The following LCLAT1 variants were observed in gnomAD, a reference collection of about 807,000 sequenced individuals.
LCLAT1 encodes the protein 1-AGP acyltransferase 8.
Under a neutral mutation model 30.7 loss-of-function variants are expected in LCLAT1, and 11 were observed. That is an observed-to-expected ratio of 0.36 (90% CI 0.23 to 0.59). The LOEUF (loss-of-function observed/expected upper bound fraction) is 0.59. Among genes scored for constraint, LCLAT1 ranks in the 20% least tolerant of loss-of-function variants. The pLI is 0.77. For synonymous variants in LCLAT1, 155 were observed against 151.3 expected (o/e 1.02, Z -0.18); for missense variants, 402 against 458.6 (o/e 0.88, Z 1.13).
At position 30,553,821 on chromosome 2, in the gene LCLAT1, C is replaced by CA. The variant is rs1177401024; in HGVS notation, c.365-8313dup. Among the ~76,000 whole-genome samples, 143 of 129,208 alleles carry CA rather than the reference C, an allele frequency of 1.1e-3. 1 individual carries two copies. The highest frequency in any genetic ancestry group is 8.6e-3 in the South Asian group (36 of 4,174). 84.8% of individuals were successfully genotyped at this position (129,208 alleles called of 152,430 possible). The stretch of plus-strand genomic sequence containing the variant: ...TGGGCGACAGAGCGAGACTCCGTCT[C>CA]AAAAAAAAAAAAGACAAATTATATA... On this transcript the variant is annotated intron_variant, in intron 3 of 5. Coordinates refer to ENST00000379509, the MANE Select transcript of LCLAT1 (RefSeq NM_001002257.3).
chr2:30,525,986 G>GA (rs936127953), intron 2 of LCLAT1, among the ~76,000 whole-genome samples: 6 of 151,946 alleles, frequency 3.9e-5, no homozygotes, highest in Admixed American at 3.3e-4. Context: ...GAATGACAGG[G>GA]AAAAAAAATC....
chr2:30,556,941 T>C (rs1664948503), intron 3 of LCLAT1, among the ~76,000 whole-genome samples: 1 of 151,826 alleles, frequency 6.6e-6, no homozygotes, highest in Admixed American at 6.6e-5. Flanking sequence ...ATGGGGTTTC[T>C]CCATATTGTT....
chr2:30,538,649 A>AAATAAAAAAATTAGAACTGT (rs1237606391), intron 3 of LCLAT1, among the ~76,000 whole-genome samples: 2 of 152,186 alleles, frequency 1.3e-5, no homozygotes, highest in East Asian at 3.9e-4. Flanking sequence ...AAAAAATAAA[A>AAATAAAAAAATTAGAACTGT]AATAAAAAAA....
intron 1 of LCLAT1, among the ~76,000 whole-genome samples, chr2:30,482,801 A>G (rs970928899): frequency 4.0e-5 from 6 of 151,840 alleles, no homozygotes; most frequent in Non-Finnish European, 5.9e-5. Context: ...GCAAAACCCA[A>G]ACAAACCTAA....
chr2:30,511,705 G>A (rs182730468), intron 1 of LCLAT1, among the ~76,000 whole-genome samples: 2 of 152,324 alleles, frequency 1.3e-5, no homozygotes, highest in East Asian at 3.9e-4. Flanking sequence ...TGTTCTTAGA[G>A]TGGTGACCAT....
chr2:30,574,993 T>C (rs1665933363), intron 5 of LCLAT1, among the ~76,000 whole-genome samples: 1 of 152,110 alleles, frequency 6.6e-6, no homozygotes, highest in African/African-American at 2.4e-5. Flanking sequence ...AAAGCTCAGG[T>C]CCTAGTCTGT....
At chr2:30,477,298 GC>G (rs1340638795) in intron 1 of LCLAT1, among the ~76,000 whole-genome samples, 1 of 152,150 alleles carries the variant, frequency 6.6e-6, no homozygotes, top group African/African-American at 2.4e-5. Context: ...ATTAGAGCTA[GC>G]CTTTTGATGC....
At chr2:30,567,941 T>G (rs1665567995) in intron 4 of LCLAT1, 119 bp from the exon 5 acceptor site, 6 of 588,352 alleles carry the variant, frequency 1.0e-5, no homozygotes, top group Non-Finnish European at 1.8e-5. Flanking sequence ...TGACTCAGTA[T>G]TCAGTAATTA....
At chr2:30,637,389 TACTC>T (rs1317805738) in intron 5 of LCLAT1, among the ~76,000 whole-genome samples, 3 of 152,048 alleles carry the variant, frequency 2.0e-5, no homozygotes, top group South Asian at 2.1e-4. Context: ...GAATGTATCA[TACTC>T]AGTCTATCAG....
intron 1 of LCLAT1, among the ~76,000 whole-genome samples, chr2:30,448,329 G>A (rs995694268): frequency 2.0e-5 from 3 of 151,990 alleles, no homozygotes; most frequent in African/African-American, 7.2e-5. Context: ...TCAAAAAACT[G>A]ACTTGATGAA....
intron 5 of LCLAT1, among the ~76,000 whole-genome samples, chr2:30,601,844 A>G (rs557875750): frequency 1.3e-5 from 2 of 150,800 alleles, no homozygotes; most frequent in African/African-American, 4.9e-5. Context: ...ATATTTATCT[A>G]CAACAAAACA....
chr2:30,609,460 C>G lies in LCLAT1; in HGVS notation c.629-30657C>G, dbSNP rs76168295. On this transcript the variant is annotated intron_variant, in intron 5 of 5. Coordinates refer to ENST00000379509, the MANE Select transcript of LCLAT1 (RefSeq NM_001002257.3). Reference sequence around the variant, plus strand: ...AACAGTGTGTACTTAATCTGTTATTCTCCATTGATTTGTGATGTTACCTTT... The same window carrying G: ...AACAGTGTGTACTTAATCTGTTATTGTCCATTGATTTGTGATGTTACCTTT... Among the ~76,000 whole-genome samples the G allele has an allele frequency of 3.6e-3, 547 of 152,078 alleles. 2 individuals carry two copies. The highest frequency in any genetic ancestry group is 0.011 in the African/African-American group (475 of 41,518).
chr2:30,597,834 T>G (rs898007777), intron 5 of LCLAT1, among the ~76,000 whole-genome samples: 2 of 152,214 alleles, frequency 1.3e-5, no homozygotes, highest in African/African-American at 4.8e-5. Context: ...AGTGTCTAGT[T>G]TATTGAGAGT....
chr2:30,552,547 G>A, intron 3 of LCLAT1: 1 of 448,464 alleles, frequency 2.2e-6, no homozygotes, highest in Non-Finnish European at 4.5e-6. Flanking sequence ...GATTGTTGCT[G>A]CAAAAATGTC....
chr2:30,508,365 T>C (rs938646042), intron 1 of LCLAT1, among the ~76,000 whole-genome samples: 1 of 152,212 alleles, frequency 6.6e-6, no homozygotes, highest in Non-Finnish European at 1.5e-5. Context: ...AGTTCCTATG[T>C]CCAGAATAGT....
chr2:30,600,874 A>G (rs1019985758), intron 5 of LCLAT1, among the ~76,000 whole-genome samples: 6 of 152,110 alleles, frequency 3.9e-5, no homozygotes, highest in African/African-American at 1.4e-4. Flanking sequence ...ATCTTGAAAT[A>G]CGTTTTCCAA....
intron 3 of LCLAT1, among the ~76,000 whole-genome samples, chr2:30,549,351 G>A (rs770991486): frequency 1.9e-4 from 29 of 152,266 alleles, no homozygotes; most frequent in Non-Finnish European, 3.8e-4. Flanking sequence ...GCTAGGAAGC[G>A]AATTTCACCT....
chr2:30,600,234 A>C (rs1339531711), intron 5 of LCLAT1, among the ~76,000 whole-genome samples: 1 of 152,210 alleles, frequency 6.6e-6, no homozygotes, highest in Non-Finnish European at 1.5e-5. Flanking sequence ...ATACAACTAC[A>C]TGGAAATTGA....
intron 5 of LCLAT1, among the ~76,000 whole-genome samples, chr2:30,619,568 T>A (rs2148514749): frequency 6.6e-6 from 1 of 152,324 alleles, no homozygotes; most frequent in East Asian, 1.9e-4. Flanking sequence ...TTTCTGGTTG[T>A]TTTCCTTGTG....
Sources: allele counts gnomAD v4.1 joint callset (sites outside exome capture counted in the v4.1 genomes callset), GRCh38; gene constraint gnomAD v4.1.1; transcripts MANE v1.5; gene names NCBI Gene and HGNC (gene_info 2026-07-23, HGNC 2026-07-21).